The following DLGAP2 variants were observed in gnomAD, a reference collection of about 807,000 sequenced individuals.
DLGAP2 encodes the protein disks large-associated protein 2.
In DLGAP2, 26 loss-of-function variants were observed where a neutral mutation model predicts 100.3. The observed-to-expected ratio is 0.26, with a 90% CI of 0.19 to 0.36. DLGAP2 has a LOEUF of 0.36. Among genes scored for constraint, DLGAP2 ranks in the 10% least tolerant of loss-of-function variants. The probability of loss-of-function intolerance (pLI) is 1.00; values close to 1 mark genes in which losing one functional copy is unlikely to be tolerated. For missense variants in DLGAP2, 1,858 were observed against 1,453.2 expected (o/e 1.28, Z -4.53); for synonymous variants, 886 against 630.1 (o/e 1.41, Z -6.08).
chr8:881,394 T>C (rs1052281551), intron 1 of DLGAP2, among the ~76,000 whole-genome samples: 29 of 152,160 alleles, frequency 1.9e-4, no homozygotes, highest in Admixed American at 3.3e-4. Flanking sequence ...CAGATTGTTC[T>C]GTTTTGGAAA....
At chr8:883,601 G>C (rs1797858916) in intron 1 of DLGAP2, among the ~76,000 whole-genome samples, 1 of 152,066 alleles carries the variant, frequency 6.6e-6, no homozygotes, top group South Asian at 2.1e-4. Context: ...CGTTACATAG[G>C]AACGCGTGTG....
Position 1,626,383 on chromosome 8 carries a change from G to C in DLGAP2, c.1443-357G>C, listed in dbSNP as rs1320117526. Among the ~76,000 whole-genome samples, 56 of 118,316 alleles carry C rather than the reference G, an allele frequency of 4.7e-4. 1 individual carries two copies. Among genetic ancestry groups the C allele is most frequent in the Non-Finnish European group, 7.2e-4 (41 of 57,096 alleles). 77.6% of individuals were successfully genotyped at this position (118,316 alleles called of 152,430 possible). On this transcript the variant is annotated intron_variant, in intron 6 of 14. Coordinates refer to ENST00000637795, the MANE Select transcript of DLGAP2 (RefSeq NM_001346810.2). ...AGCAGGTGCTCAGCCTCTGGGTGTG[G>C]GTTGGACGGCTGTTCCCATCTCTAC... is the stretch of plus-strand genomic sequence containing the variant.
chr8:1,679,100 C>T (rs1481629718), intron 12 of DLGAP2: 1 of 153,066 alleles, frequency 6.5e-6, no homozygotes, highest in Non-Finnish European at 1.5e-5. Flanking sequence ...AGGTCTCACT[C>T]CTGGGTGGAA....
At chr8:1,636,301 A>C (rs1348659257) in intron 8 of DLGAP2, among the ~76,000 whole-genome samples, 1 of 152,216 alleles carries the variant, frequency 6.6e-6, no homozygotes, top group Non-Finnish European at 1.5e-5. Context: ...TGATTCTAGA[A>C]GTCATTAAAA....
intron 3 of DLGAP2, among the ~76,000 whole-genome samples, chr8:1,481,483 T>TTC (rs1799094737): frequency 1.5e-5 from 2 of 137,506 alleles, no homozygotes; most frequent in Non-Finnish European, 3.2e-5. Context: ...TTTTTTTTTT[T>TTC]TTTTTTTTTT....
intron 3 of DLGAP2, among the ~76,000 whole-genome samples, chr8:1,270,883 C>G (rs1003048374): frequency 2.0e-5 from 3 of 151,998 alleles, no homozygotes; most frequent in Admixed American, 1.3e-4. Flanking sequence ...TTTTTATTTT[C>G]TAGATGTTCT....
At chr8:1,331,764 C>A (rs867073433) in intron 3 of DLGAP2, among the ~76,000 whole-genome samples, 1 of 152,320 alleles carries the variant, frequency 6.6e-6, no homozygotes, top group Middle Eastern at 3.4e-3. Flanking sequence ...GCTGGGCACA[C>A]CTTCTCTCAT....
chr8:865,371 G>C (rs1403707442), intron 1 of DLGAP2, among the ~76,000 whole-genome samples: 5 of 152,194 alleles, frequency 3.3e-5, no homozygotes, highest in Non-Finnish European at 7.3e-5. Flanking sequence ...CGGAGAAGAT[G>C]GGTTTTAAGA....
At chr8:1,290,924 G>A (rs1389116358) in intron 3 of DLGAP2, among the ~76,000 whole-genome samples, 2 of 152,134 alleles carry the variant, frequency 1.3e-5, no homozygotes. Flanking sequence ...GTTCACTGGT[G>A]TTAAGGACAT....
chr8:1,492,273 G>A (rs1799410582), intron 3 of DLGAP2, among the ~76,000 whole-genome samples: 1 of 152,334 alleles, frequency 6.6e-6, no homozygotes, highest in African/African-American at 2.4e-5. Flanking sequence ...AATGGAGGAG[G>A]AAGCCAGCAT....
chr8:1,069,145 G>A (rs549566867), intron 2 of DLGAP2, among the ~76,000 whole-genome samples: 2 of 152,324 alleles, frequency 1.3e-5, no homozygotes, highest in East Asian at 1.9e-4. Context: ...AGAGTGATAC[G>A]GACTCTGGGC....
intron 3 of DLGAP2, among the ~76,000 whole-genome samples, chr8:1,306,074 C>CAAAAAAAAAAAA (rs61647224): frequency 5.3e-3 from 615 of 115,908 alleles, no homozygotes; most frequent in East Asian, 9.6e-3. Context: ...AGAAATTAGG[C>CAAAAAAAAAAAA]AAAAAAAAAA....
At chr8:757,009 C>G (rs765191299) in intron 1 of DLGAP2, among the ~76,000 whole-genome samples, 2 of 152,190 alleles carry the variant, frequency 1.3e-5, no homozygotes, top group Non-Finnish European at 2.9e-5. Flanking sequence ...ATGTTTGCCT[C>G]AAGAAGCTGT....
chr8:1,088,717 G>A (rs1351204849), intron 2 of DLGAP2, among the ~76,000 whole-genome samples: 1 of 138,746 alleles, frequency 7.2e-6, no homozygotes, highest in African/African-American at 2.8e-5. Context: ...CCCTCATCCA[G>A]CAGGCTATGC....
intron 3 of DLGAP2, among the ~76,000 whole-genome samples, chr8:1,358,951 A>C (rs1002903426): frequency 3.9e-5 from 6 of 152,216 alleles, no homozygotes; most frequent in Non-Finnish European, 8.8e-5. Flanking sequence ...GGTCAGCAGC[A>C]GAACCTCTGG....
chr8:870,641 C>T (rs1797580149), intron 1 of DLGAP2, among the ~76,000 whole-genome samples: 1 of 152,158 alleles, frequency 6.6e-6, no homozygotes, highest in Non-Finnish European at 1.5e-5. Flanking sequence ...TTCCTGTGGC[C>T]ATGGCCCTAA....
At chr8:900,499 T>C (rs2128997286) in intron 1 of DLGAP2, among the ~76,000 whole-genome samples, 1 of 152,318 alleles carries the variant, frequency 6.6e-6, no homozygotes, top group East Asian at 1.9e-4. Context: ...GGCATATAAT[T>C]ACTATTCTTT....
chr8:936,358 C>T (rs569524256), intron 2 of DLGAP2, among the ~76,000 whole-genome samples: 1 of 152,150 alleles, frequency 6.6e-6, no homozygotes, highest in Non-Finnish European at 1.5e-5. Context: ...GTGTAAAACT[C>T]GGGAAGGATG....
chr8:932,706 C>A (rs191689467), intron 2 of DLGAP2, among the ~76,000 whole-genome samples: 1 of 151,996 alleles, frequency 6.6e-6, no homozygotes, highest in African/African-American at 2.4e-5. Flanking sequence ...GAGAAAGAAT[C>A]GTGAACATAA....
Sources: allele counts gnomAD v4.1 joint callset (sites outside exome capture counted in the v4.1 genomes callset), GRCh38; gene constraint gnomAD v4.1.1; transcripts MANE v1.5; gene names NCBI Gene and HGNC (gene_info 2026-07-23, HGNC 2026-07-21).